ZC3HC1: variants seen among roughly 807,000 people sequenced by gnomAD.
ZC3HC1 encodes zinc finger C3HC-type containing 1, also known as zinc finger C3HC-type protein 1.
ZC3HC1 carries 38 observed loss-of-function variants against 61.9 expected under a neutral mutation model. The ratio of observed to expected loss-of-function variants is 0.61; its 90% CI spans 0.47 to 0.81. The LOEUF is 0.81. ZC3HC1 is among the 30% of genes least tolerant of loss of function. The pLI, the probability that ZC3HC1 is intolerant of heterozygous loss-of-function variation, is 0.00. For synonymous variants in ZC3HC1, 213 were observed against 229.9 expected (o/e 0.93, Z 0.67); for missense variants, 554 against 622.7 (o/e 0.89, Z 1.17).
chr7:130,042,441 CAAAGTT>C (rs1323015401), intron 2 of ZC3HC1, among the ~76,000 whole-genome samples: 1 of 152,044 alleles, frequency 6.6e-6, no homozygotes, highest in Non-Finnish European at 1.5e-5. Context: ...AAGAGATAGT[CAAAGTT>C]AAACACACAG....
rs1795066431 is a variant in ZC3HC1 at position 130,051,289 on chromosome 7, T to C, written c.78A>G (p.Glu26=). 6.2e-7 allele frequency: 1 copy of C among 1,613,238 alleles called. No individual in the cohort carries two copies. The highest frequency in any genetic ancestry group is 8.5e-7 in the Non-Finnish European group (1 of 1,179,596). The change falls in exon 1 of 10, where the codon GAA becomes GAG. Residue 26 remains glutamate (E), a synonymous_variant. Transcript: ENST00000358303. ...GCTGCCGGATTTTCTGGGGGGTCCCTTCTGGGGAGCGAACTACTGCACCCC... is the reference window on the plus strand; with the variant it reads ...GCTGCCGGATTTTCTGGGGGGTCCCCTCTGGGGAGCGAACTACTGCACCCC... ...KNWGAVVRSP[E]GTPQKIRQLI... is the part of the protein sequence containing the mutation.
At position 130,039,587 on chromosome 7, in the gene ZC3HC1, T is replaced by C. The variant is rs367872641; in HGVS notation, c.410-40A>G. On this transcript the variant is annotated intron_variant, in intron 3 of 9. Transcript: ENST00000358303. ...AACAGCAACACCTTAAAAAACACTA[T>C]ATAGATTCAAAATCCAATGAATGGC... 2.5e-5 allele frequency: 37 copies of C among 1,504,926 alleles called. No homozygotes were observed. In the African/African-American group the frequency reaches 4.3e-4, roughly 18 times the overall value. 93.2% of individuals were successfully genotyped at this position (1,504,926 alleles called of 1,614,324 possible).
rs552135734 is a variant in ZC3HC1 at position 130,031,471 on chromosome 7, A to C, written c.494-2442T>G. On this transcript the variant is annotated intron_variant, in intron 4 of 9. Transcript: ENST00000358303. ...ACCACCATTATTTGATCTGTGTGGC[A>C]GTTGCCTAGAACATTATACTGTCGC... 2.0e-5 allele frequency among the ~76,000 whole-genome samples: 3 copies of C among 152,298 alleles called. No homozygotes were observed. The South Asian group carries it at 6.2e-4, about 32-fold the overall frequency.
At chr7:130,037,866 A>AT (rs892780907) in intron 4 of ZC3HC1, among the ~76,000 whole-genome samples, 2 of 152,158 alleles carry the variant, frequency 1.3e-5, no homozygotes, top group African/African-American at 4.8e-5. Flanking sequence ...GGTCTAAAGA[A>AT]TTTTTTTATA....
intron 1 of ZC3HC1, chr7:130,050,438 C>G (rs1275192409): frequency 1.3e-6 from 2 of 1,531,976 alleles, no homozygotes; most frequent in Non-Finnish European, 1.7e-6. Flanking sequence ...AAGAAATAAA[C>G]TTACTCTAAG....
intron 4 of ZC3HC1, among the ~76,000 whole-genome samples, chr7:130,037,918 C>T (rs1794488147): frequency 6.6e-6 from 1 of 152,162 alleles, no homozygotes; most frequent in Admixed American, 6.6e-5. Context: ...GCTGTTGAAG[C>T]TGTTTACTCA....
At chr7:130,030,890 G>C (rs1457157241) in intron 4 of ZC3HC1, among the ~76,000 whole-genome samples, 2 of 149,634 alleles carry the variant, frequency 1.3e-5, no homozygotes, top group East Asian at 4.1e-4. Flanking sequence ...GGATGGTCTC[G>C]ATCTCCTGAC....
chr7:130,019,644 G>A (rs1415259158), intron 9 of ZC3HC1, among the ~76,000 whole-genome samples: 2 of 152,026 alleles, frequency 1.3e-5, no homozygotes, highest in East Asian at 3.9e-4. Context: ...TAATTCATTA[G>A]GAGACAAAAG....
intron 2 of ZC3HC1, among the ~76,000 whole-genome samples, chr7:130,047,361 G>A (rs1403995035): frequency 1.3e-5 from 2 of 152,144 alleles, no homozygotes; most frequent in Admixed American, 6.5e-5. Flanking sequence ...CTCCTAAAGT[G>A]CTAGGATTAC....
At chr7:130,046,788 CCAGTAT>C (rs1381460607) in intron 2 of ZC3HC1, among the ~76,000 whole-genome samples, 1 of 152,040 alleles carries the variant, frequency 6.6e-6, no homozygotes, top group Non-Finnish European at 1.5e-5. Context: ...GGGTAATATT[CCAGTAT>C]AAGTTTTTTT....
chr7:130,048,900 G>C (rs980256983), intron 2 of ZC3HC1, 133 bp downstream of exon 2: 2 of 589,568 alleles, frequency 3.4e-6, no homozygotes, highest in Non-Finnish European at 5.3e-6. Context: ...ATATTAGGAT[G>C]CTGACTTTCC....
intron 4 of ZC3HC1, among the ~76,000 whole-genome samples, chr7:130,033,445 C>CTTTTT (rs3043729): frequency 2.7e-3 from 227 of 82,818 alleles, no homozygotes; most frequent in African/African-American, 4.6e-3. Context: ...CTATAGCATT[C>CTTTTT]TTTTTTTTTT....
intron 2 of ZC3HC1, among the ~76,000 whole-genome samples, chr7:130,046,234 T>C (rs1794860733): frequency 6.6e-6 from 1 of 152,090 alleles, no homozygotes; most frequent in Non-Finnish European, 1.5e-5. Flanking sequence ...ATCTGTGCAG[T>C]AAACCACCAT....
chr7:130,037,423 G>T (rs1179021726), intron 4 of ZC3HC1, among the ~76,000 whole-genome samples: 1 of 152,088 alleles, frequency 6.6e-6, no homozygotes, highest in Non-Finnish European at 1.5e-5. Flanking sequence ...CTCCAGCCTG[G>T]GCGACAGAGC....
chr7:130,023,141 A>C lies in ZC3HC1; in HGVS notation c.1233+370T>G, dbSNP rs1793721556. 2 of 224,786 alleles carry C rather than the reference A, an allele frequency of 8.9e-6. No homozygotes were observed. Among genetic ancestry groups the C allele is most frequent in the Admixed American group, 5.1e-5 (1 of 19,434 alleles). The allele number at this position is 224,786 out of a possible 1,614,324, so 13.9% of individuals were successfully genotyped here. Reference sequence around the variant, plus strand: ...TAGAAATAAAGTACACAATACATGTAATGTGCTCGTATCATCCCGAAACCA... The same window carrying C: ...TAGAAATAAAGTACACAATACATGTCATGTGCTCGTATCATCCCGAAACCA... On this transcript the variant is annotated intron_variant, in intron 8 of 9. Coordinates refer to ENST00000358303, the MANE Select transcript of ZC3HC1 (RefSeq NM_016478.5). This position sits in a 1 kb window ranked among gnomAD's most constrained non-coding sequence, Gnocchi z 4.2.
In ZC3HC1 at chr7:130,051,343, T is replaced by C. The variant is rs761651093; in HGVS notation, c.24A>G (p.Gln8=). The C allele has an allele frequency of 2.5e-6, 4 of 1,613,254 alleles. No homozygotes were observed. Among genetic ancestry groups the C allele is most frequent in the East Asian group, 2.2e-5 (1 of 44,826 alleles). MAAPCEG[Q]AFAVGVEKNW... ...TCTTTTCAACCCCTACGGCAAACGC[T>C]TGTCCCTCACAGGGCGCCGCCATCT... is the stretch of plus-strand genomic sequence containing the variant. Residue 8 remains glutamine, a synonymous_variant, in exon 1 of 10, where the codon CAA becomes CAG. Coordinates refer to ENST00000358303, the MANE Select transcript of ZC3HC1 (RefSeq NM_016478.5).
At chr7:130,019,851 CTG>C (rs1793560638) in intron 9 of ZC3HC1, among the ~76,000 whole-genome samples, 1 of 128,144 alleles carries the variant, frequency 7.8e-6, no homozygotes, top group Admixed American at 9.5e-5. Context: ...AGGTCTCGCT[CTG>C]TCGCCAGGCT....
chr7:130,049,549 CTT>C (rs148074514), intron 1 of ZC3HC1, among the ~76,000 whole-genome samples: 2 of 146,984 alleles, frequency 1.4e-5, no homozygotes, highest in African/African-American at 2.5e-5. Flanking sequence ...AGAAATTCGA[CTT>C]TTTTTTTTTT....
At position 130,023,724 on chromosome 7, in the gene ZC3HC1, C is replaced by T; in HGVS notation, c.1021-1G>A. On this transcript the variant is annotated splice_acceptor_variant, in intron 7 of 9. Coordinates refer to ENST00000358303, the MANE Select transcript of ZC3HC1 (RefSeq NM_016478.5). LOFTEE classifies it high-confidence loss of function. This position sits in a 1 kb window ranked among gnomAD's most constrained non-coding sequence, Gnocchi z 4.2. Reference sequence around the variant, plus strand: ...CAATGGGACCAGGGCTCTTTTCAGCCTGAAGGAAAGGGGAGATAATGGAAG... The same window carrying T: ...CAATGGGACCAGGGCTCTTTTCAGCTTGAAGGAAAGGGGAGATAATGGAAG... 6.2e-7 allele frequency: 1 copy of T among 1,612,594 alleles called. No homozygotes were observed. Among genetic ancestry groups the T allele is most frequent in the Non-Finnish European group, 8.5e-7 (1 of 1,179,018 alleles).
Sources: gnomAD v4.1 joint callset for allele counts (sites outside exome capture counted in the v4.1 genomes callset) on GRCh38, gnomAD v4.1.1 for gene constraint, Gnocchi (gnomAD v3.1) non-coding constraint, MANE v1.5 for transcripts, NCBI Gene and HGNC (gene_info 2026-07-23, HGNC 2026-07-21) for gene names.